The following DENND2D variants were observed in gnomAD, a reference collection of about 807,000 sequenced individuals.
DENND2D encodes DENN domain containing 2D, also known as DENN domain-containing protein 2D.
Under a neutral mutation model 59.8 loss-of-function variants are expected in DENND2D, and 37 were observed. The observed-to-expected ratio is 0.62, with a 90% CI of 0.48 to 0.81. The LOEUF is 0.81. DENND2D is among the 40% of genes least tolerant of loss of function. The pLI is 0.00. For synonymous variants in DENND2D, 219 were observed against 211.3 expected, an observed-to-expected ratio of 1.04 and a Z score of -0.31; for missense variants, 525 against 579.7, an observed-to-expected ratio of 0.91 and a Z score of 0.97.
chr1:111,190,063 C>A (rs1435941384), intron 8 of DENND2D, among the ~76,000 whole-genome samples: 1 of 150,376 alleles, frequency 6.6e-6, no homozygotes, highest in Non-Finnish European at 1.5e-5. Context: ...ACTCCAGAGG[C>A]TGAGGCAGGA....
intron 8 of DENND2D, among the ~76,000 whole-genome samples, chr1:111,189,591 C>A (rs1571173467): frequency 6.6e-6 from 1 of 152,206 alleles, no homozygotes; most frequent in Admixed American, 6.5e-5. Context: ...GCATTTAGTA[C>A]ATTGTTCACA....
At chr1:111,192,560 G>C (rs989797838) in intron 7 of DENND2D, among the ~76,000 whole-genome samples, 1 of 152,108 alleles carries the variant, frequency 6.6e-6, no homozygotes, top group Non-Finnish European at 1.5e-5. Context: ...TCTTTTCCCA[G>C]TTAGTCTTCT....
chr1:111,204,449 G>A (rs915276679), upstream of DENND2D: 13 of 1,235,304 alleles, frequency 1.1e-5, no homozygotes, highest in South Asian at 2.1e-5. Context: ...CTTTCACGCG[G>A]GGGGAGGCCT....
intron 1 of DENND2D, 35 bp downstream of exon 1, chr1:111,200,358 C>T: frequency 6.2e-7 from 1 of 1,602,426 alleles, no homozygotes; most frequent in Non-Finnish European, 8.5e-7. Context: ...AGAGGGTCAC[C>T]CTAAAAACAA....
In DENND2D at chr1:111,200,284, G is replaced by A; in HGVS notation, c.67+109C>T. On this transcript the variant is annotated intron_variant, in intron 1 of 11. Transcript: ENST00000357640. ...CTGACCCAGTCACATGGGGAACCAT[G>A]TGGAGGCCGAGATATAAAGGAAGAG... 3 of 1,453,668 alleles carry A rather than the reference G, an allele frequency of 2.1e-6. No individual in the cohort carries two copies. In the South Asian group the frequency reaches 3.7e-5, roughly 18 times the overall value. 90.0% of individuals were successfully genotyped at this position (1,453,668 alleles called of 1,614,324 possible). A position where few individuals can be genotyped will look rare whatever the true frequency, so the allele number is the denominator to read the frequency against.
rs1202770719 is a variant in DENND2D at position 111,188,202 on chromosome 1, T to C, written c.1268A>G (p.Lys423Arg). ...LTSKTNRRFVKKFVKTQLFSL... is the reference protein window; with the variant it reads ...LTSKTNRRFVRKFVKTQLFSL... ...GAAGAGCTGTGTCTTCACAAACTTC[T>C]TCACAAATCGGCGGTTGGTCTTGGA... Residue 423 changes from lysine (K) to arginine (R), a missense_variant, in exon 11 of 12, where the codon AAG becomes AGG. This residue lies in a region of DENND2D where 225 missense variants were observed against 252.4 expected (regional missense o/e 0.89). Transcript: ENST00000357640. 3 of 1,614,056 alleles carry C rather than the reference T, an allele frequency of 1.9e-6. No homozygotes were observed. In the African/African-American group the frequency reaches 4.0e-5, roughly 22 times the overall value.
chr1:111,190,986 GTCTGTGGAGTAA>G (rs1201212934), intron 8 of DENND2D, among the ~76,000 whole-genome samples: 3 of 152,170 alleles, frequency 2.0e-5, no homozygotes, highest in Admixed American at 1.3e-4. Context: ...GCATATTATT[GTCTGTGGAGTAA>G]TCCCTTACCA....
Position 111,196,013 on chromosome 1 carries a change from A to C in DENND2D, c.548T>G (p.Val183Gly), listed in dbSNP as rs753659411. ...VEKRHQISMA[V>G]IYPFMQGLRE... ...GAGGCCCTGCATGAACGGGTAGATGACAGCCATGGAGATCTGATGTCTCTT... is the reference window on the plus strand; with the variant it reads ...GAGGCCCTGCATGAACGGGTAGATGCCAGCCATGGAGATCTGATGTCTCTT... The change falls in exon 6 of 12, where the codon GTC becomes GGC. Residue 183 changes from valine (V) to glycine (G), a missense_variant. Physicochemically the swap from Val to Gly is moderately radical, Grantham distance 109 (BLOSUM62 -3). Transcript: ENST00000357640. The C allele has an allele frequency of 6.2e-7, 1 of 1,613,756 alleles. No homozygotes were observed. The highest frequency in any genetic ancestry group is 8.5e-7 in the Non-Finnish European group (1 of 1,179,868).
chr1:111,204,388 C>T, upstream of DENND2D: 1 of 1,362,104 alleles, frequency 7.3e-7, no homozygotes, highest in Non-Finnish European at 9.4e-7. Context: ...CTCCCAGCTC[C>T]GCGCTGGCCC....
chr1:111,204,489 C>G (rs1659120565), upstream of DENND2D: 1 of 954,558 alleles, frequency 1.0e-6, no homozygotes, highest in Admixed American at 4.3e-5. Flanking sequence ...GCGCGGCGCA[C>G]CTTCCGGACT....
chr1:111,194,618 C>T lies in DENND2D; in HGVS notation c.754G>A (p.Val252Met), dbSNP rs376517718. The T allele has an allele frequency of 2.4e-5, 38 of 1,613,876 alleles. No homozygotes were observed. Among genetic ancestry groups the T allele is most frequent in the East Asian group, 1.6e-4 (7 of 44,884 alleles). Residue 252 changes from valine to methionine, a missense_variant, in exon 7 of 12, where the codon GTG (valine) becomes ATG (methionine). Physicochemically the swap from Val to Met is conservative, Grantham distance 21. Transcript: ENST00000357640. ...EQILQIFASA[V>M]LERKIIFLAE... is the part of the protein sequence containing the mutation. ...AGGAAGATGATTTTTCTCTCCAGCACGGCAGAGGCAAAGATCTGAAGTATC... is the reference window on the plus strand; with the variant it reads ...AGGAAGATGATTTTTCTCTCCAGCATGGCAGAGGCAAAGATCTGAAGTATC...
chr1:111,193,767 C>T (rs657801), intron 7 of DENND2D, among the ~76,000 whole-genome samples: 111,710 of 152,086 alleles, frequency 0.73, 41,428 homozygotes, highest in African/African-American at 0.83. Context: ...TTTATGACTT[C>T]TTTCATTCTC....
At chr1:111,202,012 T>C (rs896234462), upstream of DENND2D, among the ~76,000 whole-genome samples, 6 of 152,186 alleles carry the variant, frequency 3.9e-5, no homozygotes, top group Admixed American at 2.0e-4. Context: ...CATAAAGTAA[T>C]TCAAAGGCTA....
Position 111,187,293 on chromosome 1 carries a change from G to T in DENND2D, c.*312C>A. On this transcript the variant is annotated 3_prime_UTR_variant, in exon 12 of 12. Transcript: ENST00000357640. The stretch of plus-strand genomic sequence containing the variant: ...TTGAAGATGTTATAATGATGGGAGA[G>T]GGCAGTTGCAGCAGCTTCTAACCAA... 1 of 330,430 alleles carries T rather than the reference G, an allele frequency of 3.0e-6. No homozygotes were observed. The highest frequency in any genetic ancestry group is 5.7e-6 in the Non-Finnish European group (1 of 175,888). The allele number at this position is 330,430 out of a possible 1,614,324, so 20.5% of individuals were successfully genotyped here.
chr1:111,187,358 A>G lies in DENND2D; in HGVS notation c.*247T>C, dbSNP rs1194831373. 3 of 510,804 alleles carry G rather than the reference A, an allele frequency of 5.9e-6. No individual in the cohort carries two copies. The highest frequency in any genetic ancestry group is 3.6e-6 in the Non-Finnish European group (1 of 281,438). 31.6% of individuals were successfully genotyped at this position (510,804 alleles called of 1,614,324 possible). A position where few individuals can be genotyped will look rare whatever the true frequency, so the allele number is the denominator to read the frequency against. Reference sequence around the variant, plus strand: ...TGTACTACTGTTTCCTACCTGTGTCACCTCTGCAAAAAATGGAGCTCTGAG... The same window carrying G: ...TGTACTACTGTTTCCTACCTGTGTCGCCTCTGCAAAAAATGGAGCTCTGAG... On this transcript the variant is annotated 3_prime_UTR_variant, in exon 12 of 12. Coordinates refer to ENST00000357640, the MANE Select transcript of DENND2D (RefSeq NM_024901.5).
Position 111,197,939 on chromosome 1 carries a change from C to G in DENND2D, c.407G>C (p.Gly136Ala), listed in dbSNP as rs1282614698. 6 of 1,613,916 alleles carry G rather than the reference C, an allele frequency of 3.7e-6. No homozygotes were observed. The highest frequency in any genetic ancestry group is 5.1e-6 in the Non-Finnish European group (6 of 1,180,030). ...LTNVDGSRKI[G>A]YCRRLLPAGP... Reference sequence around the variant, plus strand: ...ACAGACCAAGAGGCGCCTGCAGTATCCAATCTTTCTGCTCCCATCCACATT... The same window carrying G: ...ACAGACCAAGAGGCGCCTGCAGTATGCAATCTTTCTGCTCCCATCCACATT... The change falls in exon 4 of 12, where the codon GGA becomes GCA. Residue 136 changes from glycine (G) to alanine (A), a missense_variant. Gly to Ala is a moderately conservative substitution (Grantham distance 60). Around this residue, in one of 3 missense-constraint regions of DENND2D, gnomAD observed 253 missense variants for 246.4 expected, o/e 1.03. Coordinates refer to ENST00000357640, the MANE Select transcript of DENND2D (RefSeq NM_024901.5).
intron 7 of DENND2D, among the ~76,000 whole-genome samples, chr1:111,193,336 A>C (rs533688670): frequency 6.6e-6 from 1 of 152,346 alleles, no homozygotes; most frequent in South Asian, 2.1e-4. Context: ...GATTTCCCTG[A>C]AGAAAGTAAA....
At chr1:111,202,418 T>A (rs191708237), upstream of DENND2D, 24 of 152,290 alleles carry the variant, frequency 1.6e-4, no homozygotes, top group Admixed American at 1.3e-3. Flanking sequence ...ATGTTTCATA[T>A]AAGGCATCTC....
intron 6 of DENND2D, among the ~76,000 whole-genome samples, 176 bp from the exon 7 acceptor site, chr1:111,194,902 G>A (rs1175799350): frequency 6.6e-6 from 1 of 151,926 alleles, no homozygotes; most frequent in Non-Finnish European, 1.5e-5. Flanking sequence ...CTTGAGTATG[G>A]CCCATAATGT....
Sources: gnomAD v4.1 joint callset for allele counts (sites outside exome capture counted in the v4.1 genomes callset) on GRCh38, gnomAD v4.1.1 for gene constraint, gnomAD v4.1.1 regional missense constraint, MANE v1.5 for transcripts, NCBI Gene and HGNC (gene_info 2026-07-23, HGNC 2026-07-21) for gene names.